PROSER3: variants seen among roughly 807,000 people sequenced by gnomAD.
PROSER3 encodes proline and serine rich 3.
PROSER3 carries 33 observed loss-of-function variants against 50.2 expected under a neutral mutation model. That is an observed-to-expected ratio of 0.66 (90% CI 0.50 to 0.88). PROSER3 has a LOEUF of 0.88. Among genes scored for constraint, PROSER3 ranks in the 40% least tolerant of loss-of-function variants. PROSER3 has a pLI of 0.00. For missense variants in PROSER3, 623 were observed against 612.7 expected, an observed-to-expected ratio of 1.02 and a Z score of -0.18; for synonymous variants, 266 against 259.3, an observed-to-expected ratio of 1.03 and a Z score of -0.25.
Position 35,759,489 on chromosome 19 carries a change from G to C in PROSER3, c.108+19G>C, listed in dbSNP as rs377300106. On this transcript the variant is annotated intron_variant, in intron 2 of 10. Coordinates refer to ENST00000396908, the Ensembl canonical transcript of PROSER3. The stretch of plus-strand genomic sequence containing the variant: ...TCCCAAGGTGAGGACACCCCTCAAA[G>C]AGTGCTGAGTGCCAGCCCAGTAGCA... 2 of 1,589,040 alleles carry C rather than the reference G, an allele frequency of 1.3e-6. No homozygotes were observed. The highest frequency in any genetic ancestry group is 1.3e-5 in the African/African-American group (1 of 74,432).
chr19:35,765,761 C>T (rs967479384), intron 7 of PROSER3, among the ~76,000 whole-genome samples: 1 of 152,026 alleles, frequency 6.6e-6, no homozygotes, highest in Non-Finnish European at 1.5e-5. Context: ...TCTCAAACTC[C>T]TGGGCTCAAG....
At chr19:35,765,216 C>T in intron 7 of PROSER3, 40 bp downstream of exon 7, 4 of 1,593,618 alleles carry the variant, frequency 2.5e-6, no homozygotes, top group Non-Finnish European at 3.4e-6. Context: ...AGCCTGGGTG[C>T]AAATCCCAAC....
At chr19:35,764,962 C>T in intron 6 of PROSER3, 26 bp downstream of exon 6, 1 of 1,613,318 alleles carries the variant, frequency 6.2e-7, no homozygotes, top group South Asian at 1.1e-5. Flanking sequence ...CCCCCATCAC[C>T]CTTCCTACTG....
chr19:35,759,609 C>G, intron 2 of PROSER3, 139 bp downstream of exon 2: 1 of 989,286 alleles, frequency 1.0e-6, no homozygotes, highest in South Asian at 1.6e-5. Context: ...ACGGCCCTGC[C>G]CTTGTCCCCC....
At chr19:35,760,847 A>G (rs1970933661) in intron 3 of PROSER3, among the ~76,000 whole-genome samples, 1 of 152,202 alleles carries the variant, frequency 6.6e-6, no homozygotes, top group Admixed American at 6.5e-5. Context: ...GTGAGTTACT[A>G]TATATAATGA....
rs1189923971 is a variant in PROSER3 at position 35,768,132 on chromosome 19, TCATTCTTTTCTCCCCGGCC to T, written c.1220-20_1220-2del. 9.9e-6 allele frequency: 16 copies of T among 1,610,108 alleles called. No individual in the cohort carries two copies. The highest frequency in any genetic ancestry group is 1.4e-5 in the Non-Finnish European group (16 of 1,178,084). ...CCCTAAGAGGCCGGCCCCTTGGAGC[TCATTCTTTTCTCCCCGGCC>T]CAGACTCCGACGGCAGCGAGTTCCA... On this transcript the variant is annotated splice_polypyrimidine_tract_variant and splice_region_variant and intron_variant, in intron 9 of 10. Transcript: ENST00000396908.
downstream of PROSER3, chr19:35,771,015 G>T (rs1177854167): frequency 1.3e-5 from 2 of 152,070 alleles, no homozygotes; most frequent in Non-Finnish European, 2.9e-5. Context: ...AATATTGAAC[G>T]CCAGTTAAAG....
At chr19:35,760,979 C>T (rs887685690) in intron 3 of PROSER3, among the ~76,000 whole-genome samples, 1 of 152,208 alleles carries the variant, frequency 6.6e-6, no homozygotes, top group African/African-American at 2.4e-5. Context: ...CCTCCCTCAC[C>T]TGCAGTCCAG....
chr19:35,764,838 C>A lies in PROSER3; in HGVS notation c.544-16C>A. On this transcript the variant is annotated splice_polypyrimidine_tract_variant and intron_variant, in intron 5 of 10. Transcript: ENST00000396908. The stretch of plus-strand genomic sequence containing the variant: ...CCTTTGGGTTGGGGCTGGCGTCTGA[C>A]CCTGTCACCCTGCAGAACCTCCACA... 1 of 1,610,156 alleles carries A rather than the reference C, an allele frequency of 6.2e-7. No individual in the cohort carries two copies. Among genetic ancestry groups the A allele is most frequent in the Non-Finnish European group, 8.5e-7 (1 of 1,178,122 alleles).
chr19:35,767,693 C>T (rs2146629063), intron 8 of PROSER3: 1 of 1,358,660 alleles, frequency 7.4e-7, no homozygotes, highest in Non-Finnish European at 1.0e-6. Context: ...GGACACGCCT[C>T]CTCACTTCGA....
exon 2 of PROSER3, chr19:35,759,380 A>T: frequency 6.2e-7 from 1 of 1,613,272 alleles, no homozygotes; most frequent in Non-Finnish European, 8.5e-7. Context: ...GCAGCCTGCC[A>T]GTTTTCTCCA....
chr19:35,768,693 C>T, exon 11 of PROSER3: 1 of 931,922 alleles, frequency 1.1e-6, no homozygotes, highest in East Asian at 2.9e-5. Context: ...CCCCATGGCT[C>T]TGCCCTGCCC....
exon 11 of PROSER3, chr19:35,768,575 GCT>G (rs1491308042): frequency 2.0e-6 from 3 of 1,526,236 alleles, no homozygotes; most frequent in Non-Finnish European, 1.7e-6. Context: ...ACCCAGTGAG[GCT>G]CTTTTTTTTT....
At chr19:35,763,223 A>G (rs1971016241) in intron 5 of PROSER3, among the ~76,000 whole-genome samples, 1 of 150,830 alleles carries the variant, frequency 6.6e-6, no homozygotes, top group African/African-American at 2.4e-5. Flanking sequence ...TTTTTTTGAT[A>G]CAGAGTCTTG....
At chr19:35,762,297 A>C (rs1970979206) in exon 5 of PROSER3, 23 of 1,611,866 alleles carry the variant, frequency 1.4e-5, no homozygotes, top group Non-Finnish European at 2.0e-5. Context: ...AGCTGTCCCT[A>C]CTGCGGTCAA....
intron 5 of PROSER3, among the ~76,000 whole-genome samples, chr19:35,763,527 G>A (rs1452285429): frequency 1.4e-4 from 16 of 115,006 alleles, no homozygotes; most frequent in African/African-American, 1.7e-4. Context: ...TTTTTGAGAC[G>A]GAGTCTTGTG....
chr19:35,759,402 C>A, exon 2 of PROSER3: 1 of 1,613,736 alleles, frequency 6.2e-7, no homozygotes, highest in Non-Finnish European at 8.5e-7. Flanking sequence ...TCAAGATAGT[C>A]CCTTTGGAGA....
chr19:35,765,782 A>G (rs1164265582), intron 7 of PROSER3, among the ~76,000 whole-genome samples: 2 of 151,912 alleles, frequency 1.3e-5, no homozygotes, highest in Non-Finnish European at 2.9e-5. Context: ...CGATCCCCCC[A>G]CCGCCTTCGC....
At chr19:35,759,757 C>A (rs1568407944) in intron 2 of PROSER3, 32 bp from the exon 3 acceptor site, 2 of 1,538,332 alleles carry the variant, frequency 1.3e-6, no homozygotes, top group Admixed American at 3.9e-5. Flanking sequence ...AGACCTCACA[C>A]TTTTTCTTCT....
Sources: gnomAD v4.1 joint callset for allele counts (sites outside exome capture counted in the v4.1 genomes callset) on GRCh38, gnomAD v4.1.1 for gene constraint, MANE v1.5 for transcripts, NCBI Gene and HGNC (gene_info 2026-07-23, HGNC 2026-07-21) for gene names.